The following COL24A1 variants were observed in gnomAD, a reference collection of about 807,000 sequenced individuals.
COL24A1 encodes collagen alpha-1(XXIV) chain.
Under a neutral mutation model 253.9 loss-of-function variants are expected in COL24A1, and 224 were observed. That is an observed-to-expected ratio of 0.88 (90% CI 0.79 to 0.99). COL24A1 has a LOEUF of 0.99. Ranked by LOEUF, COL24A1 falls within the 50% of genes least tolerant of loss-of-function variation. The pLI, the probability that COL24A1 is intolerant of heterozygous loss-of-function variation, is 0.00. For synonymous variants in COL24A1, 685 were observed against 673.7 expected, an observed-to-expected ratio of 1.02 and a Z score of -0.26; for missense variants, 2,131 against 2,068.5, an observed-to-expected ratio of 1.03 and a Z score of -0.59.
intron 14 of COL24A1, among the ~76,000 whole-genome samples, chr1:86,024,442 A>G (rs982880746): frequency 3.3e-5 from 5 of 152,178 alleles, no homozygotes; most frequent in Non-Finnish European, 4.4e-5. Context: ...CTAGAGCTCA[A>G]TATCCTAACA....
intron 37 of COL24A1, among the ~76,000 whole-genome samples, chr1:85,868,078 G>C (rs777613228): frequency 6.6e-6 from 1 of 152,098 alleles, no homozygotes; most frequent in Non-Finnish European, 1.5e-5. Flanking sequence ...TGAGGTGAGA[G>C]AATTTGTTCA....
chr1:86,021,395 A>G (rs1697527379), intron 18 of COL24A1, among the ~76,000 whole-genome samples: 1 of 152,168 alleles, frequency 6.6e-6, no homozygotes. Context: ...ACAGTATGGC[A>G]CAGTAGCTAA....
At chr1:85,756,305 G>C (rs998783681) in intron 55 of COL24A1, among the ~76,000 whole-genome samples, 8 of 152,018 alleles carry the variant, frequency 5.3e-5, no homozygotes, top group Non-Finnish European at 1.0e-4. Flanking sequence ...TGTAATCCCA[G>C]CTACTCAGGA....
At chr1:86,027,410 G>A (rs543959159) in intron 14 of COL24A1, among the ~76,000 whole-genome samples, 5 of 152,188 alleles carry the variant, frequency 3.3e-5, no homozygotes, top group Non-Finnish European at 7.3e-5. Context: ...CTAGAGCCTT[G>A]CTGCTTTGTG....
chr1:85,762,867 AAC>A (rs2101120878), intron 53 of COL24A1, among the ~76,000 whole-genome samples: 1 of 152,290 alleles, frequency 6.6e-6, no homozygotes, highest in Non-Finnish European at 1.5e-5. Flanking sequence ...AAAAATAAGA[AAC>A]AATTTCTACT....
At chr1:85,767,944 C>G (rs1182870381) in intron 53 of COL24A1, among the ~76,000 whole-genome samples, 2 of 152,168 alleles carry the variant, frequency 1.3e-5, no homozygotes, top group Non-Finnish European at 2.9e-5. Flanking sequence ...GTTCCCTACT[C>G]TCATGAAGTT....
At chr1:85,831,460 C>T (rs77571205) in intron 43 of COL24A1, among the ~76,000 whole-genome samples, 55 of 152,182 alleles carry the variant, frequency 3.6e-4, no homozygotes, top group Non-Finnish European at 3.5e-4. Context: ...GTAAATCTCA[C>T]CAAGACAAAC....
At chr1:85,895,960 C>T in intron 30 of COL24A1, 58 bp from the exon 31 acceptor site, 4 of 1,599,612 alleles carry the variant, frequency 2.5e-6, no homozygotes, top group South Asian at 1.1e-5. Context: ...ATTAATCATA[C>T]TAAGAAAAAC....
At chr1:86,088,529 A>G (rs779641819) in intron 7 of COL24A1, among the ~76,000 whole-genome samples, 16 of 152,284 alleles carry the variant, frequency 1.1e-4, no homozygotes, top group Middle Eastern at 3.4e-3. Context: ...AAACTAAAAG[A>G]TATATTTTAT....
At chr1:86,066,340 G>A (rs1455970256) in intron 7 of COL24A1, among the ~76,000 whole-genome samples, 2 of 146,328 alleles carry the variant, frequency 1.4e-5, no homozygotes, top group Non-Finnish European at 3.0e-5. Context: ...CCGGGTTCGC[G>A]CCATTCTCCT....
chr1:85,933,724 A>T (rs1688012649), intron 24 of COL24A1, among the ~76,000 whole-genome samples: 1 of 152,174 alleles, frequency 6.6e-6, no homozygotes, highest in Admixed American at 6.6e-5. Context: ...TCAATTGTAA[A>T]GTTGTCAAAG....
intron 24 of COL24A1, among the ~76,000 whole-genome samples, chr1:85,959,499 G>A (rs757159888): frequency 5.9e-5 from 9 of 152,104 alleles, no homozygotes; most frequent in Non-Finnish European, 8.8e-5. Context: ...TCTCAGTTCA[G>A]TAATTTATTA....
At chr1:85,896,846 C>A (rs1683796320) in intron 28 of COL24A1, among the ~76,000 whole-genome samples, 2 of 152,144 alleles carry the variant, frequency 1.3e-5, no homozygotes, top group African/African-American at 2.4e-5. Flanking sequence ...AATAATACAG[C>A]TGGGTATATG....
intron 58 of COL24A1, 67 bp from the exon 59 acceptor site, chr1:85,735,031 C>A: frequency 6.7e-7 from 1 of 1,498,860 alleles, no homozygotes; most frequent in Non-Finnish European, 9.1e-7. Context: ...TTCAGGAAAA[C>A]CTGAGGAAAA....
intron 14 of COL24A1, chr1:86,030,136 AAAG>A (rs1698427696): frequency 6.6e-6 from 1 of 152,250 alleles, no homozygotes; most frequent in Non-Finnish European, 1.5e-5. Flanking sequence ...CTCAAAAACA[AAAG>A]AAAAAAAAAC....
intron 34 of COL24A1, among the ~76,000 whole-genome samples, chr1:85,875,060 G>A (rs1680981144): frequency 6.6e-6 from 1 of 152,212 alleles, no homozygotes; most frequent in African/African-American, 2.4e-5. Context: ...GCTTCCATCT[G>A]TGGAAAAACT....
chr1:86,142,138 T>C (rs1389064675), intron 2 of COL24A1, among the ~76,000 whole-genome samples: 4 of 151,330 alleles, frequency 2.6e-5, no homozygotes, highest in Non-Finnish European at 2.9e-5. Context: ...GTCATTCTTA[T>C]CCTTACAGAG....
At chr1:86,142,547 A>C (rs951909925) in intron 2 of COL24A1, among the ~76,000 whole-genome samples, 15 of 151,396 alleles carry the variant, frequency 9.9e-5, no homozygotes, top group African/African-American at 2.7e-4. Flanking sequence ...AAAACAAAAA[A>C]CAAAAAAAAC....
rs533245194 is a variant in COL24A1 at position 86,144,645 on chromosome 1, T to A, written c.121+1474A>T. Among the ~76,000 whole-genome samples, 6 of 152,282 alleles carry A rather than the reference T, an allele frequency of 3.9e-5. No homozygotes were observed. In the South Asian group the frequency reaches 1.0e-3, roughly 26 times the overall value. ...AATTGTATTCTTCTCTTCCTTATCT[T>A]CTCTGTGGCTCTAGGAGCCTCAATT... On this transcript the variant is annotated intron_variant, in intron 2 of 59. Coordinates refer to ENST00000370571, the MANE Select transcript of COL24A1 (RefSeq NM_152890.7).
Sources: gnomAD v4.1 joint callset for allele counts (sites outside exome capture counted in the v4.1 genomes callset) on GRCh38, gnomAD v4.1.1 for gene constraint, MANE v1.5 for transcripts, NCBI Gene and HGNC (gene_info 2026-07-23, HGNC 2026-07-21) for gene names.